The following MTA3 variants were observed in gnomAD, a reference collection of about 807,000 sequenced individuals.
The protein encoded by MTA3 is metastasis associated 1 family member 3.
Under a neutral mutation model 83.5 loss-of-function variants are expected in MTA3, and 34 were observed. The ratio of observed to expected loss-of-function variants is 0.41; its 90% CI spans 0.31 to 0.54. MTA3 has a LOEUF of 0.54. Among genes scored for constraint, MTA3 ranks in the 20% least tolerant of loss-of-function variants. The pLI is 0.33. For missense variants in MTA3, 761 were observed against 726.4 expected (o/e 1.05, Z -0.55); for synonymous variants, 303 against 252.7 (o/e 1.20, Z -1.89).
At chr2:42,689,033 A>T (rs961866363) in intron 9 of MTA3, among the ~76,000 whole-genome samples, 4 of 152,124 alleles carry the variant, frequency 2.6e-5, no homozygotes, top group Admixed American at 6.6e-5. Context: ...GAGAGTTTTT[A>T]AAAAAATCAT....
rs901644351 is a variant in MTA3 at position 42,524,386 on chromosome 2, C to T, written c.-141+29132C>T. On this transcript the variant is annotated intron_variant, in intron 2 of 17. Transcript: ENST00000405592. Reference sequence around the variant, plus strand: ...CCTGATCTGGGCTTGCTGCAAGCTCCGCCTCCTGGGTTCACGCCATTCTCC... The same window carrying T: ...CCTGATCTGGGCTTGCTGCAAGCTCTGCCTCCTGGGTTCACGCCATTCTCC... Among the ~76,000 whole-genome samples, 13 of 151,424 alleles carry T rather than the reference C, an allele frequency of 8.6e-5. No homozygotes were observed. The East Asian group carries it at 2.1e-3, about 25-fold the overall frequency.
chr2:42,552,829 A>G (rs1166543715), intron 2 of MTA3, among the ~76,000 whole-genome samples: 1 of 152,138 alleles, frequency 6.6e-6, no homozygotes, highest in East Asian at 1.9e-4. Context: ...ACATGCCTGT[A>G]GTCCCAGCTA....
chr2:42,503,262 T>A (rs1019317248), intron 2 of MTA3, among the ~76,000 whole-genome samples: 6 of 152,342 alleles, frequency 3.9e-5, no homozygotes, highest in Middle Eastern at 6.8e-3. Flanking sequence ...TTTCTGACAT[T>A]GCCATGGCAT....
chr2:42,677,550 C>G (rs921426530), intron 8 of MTA3, among the ~76,000 whole-genome samples: 2 of 151,932 alleles, frequency 1.3e-5, no homozygotes, highest in African/African-American at 2.4e-5. Context: ...GCCGTGTTGT[C>G]CAGGGGTGGT....
intron 2 of MTA3, among the ~76,000 whole-genome samples, chr2:42,556,059 G>A (rs914255256): frequency 2.0e-5 from 3 of 151,374 alleles, no homozygotes; most frequent in African/African-American, 4.9e-5. Flanking sequence ...GCGACAGAGC[G>A]AGACTCTGTC....
At chr2:42,532,087 G>A (rs969695388) in intron 2 of MTA3, among the ~76,000 whole-genome samples, 2 of 152,194 alleles carry the variant, frequency 1.3e-5, no homozygotes, top group East Asian at 1.9e-4. Flanking sequence ...ACAATTATGA[G>A]TATTAAACTT....
At chr2:42,648,002 A>G (rs1243765364) in intron 6 of MTA3, among the ~76,000 whole-genome samples, 1 of 152,036 alleles carries the variant, frequency 6.6e-6, no homozygotes, top group Non-Finnish European at 1.5e-5. Flanking sequence ...CACCACACCC[A>G]GCTAACTTTT....
intron 3 of MTA3, 21 bp downstream of exon 3, chr2:42,579,221 T>G: frequency 2.0e-6 from 3 of 1,527,972 alleles, no homozygotes; most frequent in Non-Finnish European, 2.6e-6. Flanking sequence ...TTTCTCTGAT[T>G]AAAAAAACGT....
intron 3 of MTA3, among the ~76,000 whole-genome samples, chr2:42,594,729 T>TATATATATATATA (rs1491154379): frequency 5.8e-4 from 11 of 19,128 alleles, no homozygotes; most frequent in Non-Finnish European, 7.1e-4. Flanking sequence ...TATATATATA[T>TATATATATATATA]TTTTTTTTTT....
intron 2 of MTA3, chr2:42,533,080 ATTCT>A: frequency 6.7e-6 from 1 of 148,778 alleles, no homozygotes; most frequent in Non-Finnish European, 1.4e-5. Flanking sequence ...CTTGTGGGGC[ATTCT>A]TTTTTTTTTT....
At chr2:42,587,414 C>A (rs972073938) in intron 3 of MTA3, among the ~76,000 whole-genome samples, 1 of 152,114 alleles carries the variant, frequency 6.6e-6, no homozygotes, top group Non-Finnish European at 1.5e-5. Context: ...ACCCAGTTCT[C>A]CCCGACAAGT....
intron 8 of MTA3, 81 bp downstream of exon 8, chr2:42,659,943 G>C: frequency 9.1e-7 from 1 of 1,095,912 alleles, no homozygotes; most frequent in Non-Finnish European, 1.3e-6. Context: ...CAATACTGTA[G>C]ACCGGGAGCT....
chr2:42,751,602 C>T (rs749287708), intron 16 of MTA3, among the ~76,000 whole-genome samples: 12 of 152,286 alleles, frequency 7.9e-5, no homozygotes, highest in South Asian at 2.1e-4. Flanking sequence ...AATTGAAAAC[C>T]GTGGCCAGGG....
At chr2:42,523,163 A>G (rs1481259942) in intron 2 of MTA3, among the ~76,000 whole-genome samples, 1 of 152,066 alleles carries the variant, frequency 6.6e-6, no homozygotes, top group Non-Finnish European at 1.5e-5. Flanking sequence ...AGTTCAATGT[A>G]TATTCCTTGA....
At chr2:42,649,850 G>A (rs1055392909) in intron 6 of MTA3, among the ~76,000 whole-genome samples, 10 of 152,180 alleles carry the variant, frequency 6.6e-5, no homozygotes, top group South Asian at 2.1e-4. Context: ...TGTAAAAAGG[G>A]ACCTACAGCT....
At chr2:42,524,431 G>C (rs1229462095) in intron 2 of MTA3, among the ~76,000 whole-genome samples, 2 of 149,830 alleles carry the variant, frequency 1.3e-5, no homozygotes, top group Non-Finnish European at 3.0e-5. Context: ...CTCTCGAGTA[G>C]CTGGGACTAC....
In MTA3 at chr2:42,638,503, C is replaced by T. The variant is rs144526928; in HGVS notation, c.318-1670C>T. 7.9e-5 allele frequency among the ~76,000 whole-genome samples: 12 copies of T among 152,086 alleles called. No homozygotes were observed. The South Asian group carries it at 8.3e-4, about 11-fold the overall frequency. Reference sequence around the variant, plus strand: ...TCCTGGGCTCAAGCAGTCCCCCAACCGCGAGTAGCTGGGACTATGCCCTGC... The same window carrying T: ...TCCTGGGCTCAAGCAGTCCCCCAACTGCGAGTAGCTGGGACTATGCCCTGC... On this transcript the variant is annotated intron_variant, in intron 4 of 16. Coordinates refer to ENST00000405094, the MANE Select transcript of MTA3 (RefSeq NM_001330442.2).
intron 4 of MTA3, among the ~76,000 whole-genome samples, chr2:42,617,459 T>TA (rs1290792309): frequency 5.3e-5 from 8 of 152,218 alleles, no homozygotes; most frequent in Non-Finnish European, 8.8e-5. Flanking sequence ...TCTTTATACT[T>TA]ATAGTTTTCC....
intron 8 of MTA3, among the ~76,000 whole-genome samples, chr2:42,660,391 G>C (rs1465776560): frequency 6.6e-6 from 1 of 152,068 alleles, no homozygotes; most frequent in African/African-American, 2.4e-5. Context: ...CCGGCCAGAG[G>C]GGCTATTTTC....
Sources: gnomAD v4.1 joint callset for allele counts (sites outside exome capture counted in the v4.1 genomes callset) on GRCh38, gnomAD v4.1.1 for gene constraint, MANE v1.5 for transcripts, NCBI Gene and HGNC (gene_info 2026-07-23, HGNC 2026-07-21) for gene names.